RANBP2: variants seen among roughly 807,000 people sequenced by gnomAD.
The protein encoded by RANBP2 is E3 SUMO-protein ligase RanBP2.
In RANBP2, 57 loss-of-function variants were observed where a neutral mutation model predicts 303.6. The ratio of observed to expected loss-of-function variants is 0.19; its 90% CI spans 0.15 to 0.23. The LOEUF (loss-of-function observed/expected upper bound fraction) is 0.23. Among genes scored for constraint, RANBP2 ranks in the 10% least tolerant of loss-of-function variants. The pLI is 1.00. For synonymous variants in RANBP2, 1,167 were observed against 1,301.5 expected (o/e 0.90, Z 2.23); for missense variants, 3,138 against 3,780.8 (o/e 0.83, Z 4.46).
chr2:109,352,640 C>CT, the RANBP2 span, among the ~76,000 whole-genome samples: 1 of 152,356 alleles, frequency 6.6e-6, no homozygotes, highest in East Asian at 1.9e-4. Context: ...GCTTGGGCTA[C>CT]TTTACCCTGA....
chr2:109,313,307 G>C, the RANBP2 span, among the ~76,000 whole-genome samples: 17 of 152,334 alleles, frequency 1.1e-4, no homozygotes, highest in African/African-American at 3.4e-4. Context: ...CATCCCAAGG[G>C]GGGAGGCTGG....
At chr2:108,828,755 G>A in the RANBP2 span, among the ~76,000 whole-genome samples, 1 of 152,128 alleles carries the variant, frequency 6.6e-6, no homozygotes, top group African/African-American at 2.4e-5. Flanking sequence ...GAGGTGGACA[G>A]ATCACCAGGT....
the RANBP2 span, among the ~76,000 whole-genome samples, chr2:108,950,892 C>T: frequency 6.6e-6 from 1 of 152,228 alleles, no homozygotes; most frequent in Non-Finnish European, 1.5e-5. Context: ...TCCACATTAA[C>T]CAGGCCCCCA....
the RANBP2 span, among the ~76,000 whole-genome samples, chr2:109,294,958 C>G: frequency 2.0e-5 from 3 of 152,240 alleles, no homozygotes; most frequent in Non-Finnish European, 4.4e-5. Context: ...GTTGTTCTTT[C>G]AGCCGATGTT....
the RANBP2 span, among the ~76,000 whole-genome samples, chr2:109,750,741 C>T: frequency 5.5e-5 from 5 of 90,492 alleles, no homozygotes; most frequent in Admixed American, 3.7e-4. Flanking sequence ...TTTTTTTTTT[C>T]GAGTCAGAGT....
At chr2:109,629,094 C>T in the RANBP2 span, among the ~76,000 whole-genome samples, 2 of 151,298 alleles carry the variant, frequency 1.3e-5, no homozygotes, top group African/African-American at 2.4e-5. Context: ...CCCAGCTACT[C>T]GGTAAGCTGA....
chr2:108,737,966 G>A (rs1262268495), intron 6 of RANBP2, among the ~76,000 whole-genome samples: 1 of 151,166 alleles, frequency 6.6e-6, no homozygotes, highest in Non-Finnish European at 1.5e-5. Context: ...TGCCCTCCTC[G>A]GCCTCCCAAA....
At chr2:109,617,278 C>T in the RANBP2 span, 3 of 167,024 alleles carry the variant, frequency 1.8e-5, no homozygotes, top group South Asian at 6.2e-4. Context: ...ATTAAAATGG[C>T]ACTTTATAAA....
At chr2:109,693,511 T>C in the RANBP2 span, among the ~76,000 whole-genome samples, 2 of 152,164 alleles carry the variant, frequency 1.3e-5, no homozygotes, top group African/African-American at 4.8e-5. Context: ...CCCCATACTG[T>C]TCTCGTGGTA....
chr2:109,512,630 C>T, the RANBP2 span, among the ~76,000 whole-genome samples: 1 of 152,204 alleles, frequency 6.6e-6, no homozygotes, highest in African/African-American at 2.4e-5. Flanking sequence ...CTAGACCCGG[C>T]TTGCTGGGCC....
the RANBP2 span, among the ~76,000 whole-genome samples, chr2:109,085,439 G>A: frequency 6.6e-6 from 1 of 151,998 alleles, no homozygotes; most frequent in Non-Finnish European, 1.5e-5. Context: ...AAGTAGCTGG[G>A]CCTACACGCG....
At chr2:109,410,815 G>C in the RANBP2 span, among the ~76,000 whole-genome samples, 1 of 151,544 alleles carries the variant, frequency 6.6e-6, no homozygotes, top group African/African-American at 2.4e-5. Context: ...CTTCGTGGGA[G>C]ACAGGGCTGC....
In RANBP2 at chr2:108,740,504, T is replaced by G; in HGVS notation, c.798T>G (p.Leu266=). The change falls in exon 7 of 29, where the codon CTT becomes CTG. Residue 266 remains leucine, a synonymous_variant. Coordinates refer to ENST00000283195, the MANE Select transcript of RANBP2 (RefSeq NM_006267.5). ...RELLQSFDSA[L]QSVKSLGGND... The stretch of plus-strand genomic sequence containing the variant: ...CATATTACAGTTTTGATAGTGCTCT[T>G]CAGTCTGTGAAATCTTTGGGTGGAA... 2 of 1,597,572 alleles carry G rather than the reference T, an allele frequency of 1.3e-6. No individual in the cohort carries two copies. Among genetic ancestry groups the G allele is most frequent in the Non-Finnish European group, 1.7e-6 (2 of 1,179,784 alleles).
At chr2:109,147,377 C>T in the RANBP2 span, among the ~76,000 whole-genome samples, 2 of 152,124 alleles carry the variant, frequency 1.3e-5, no homozygotes, top group Non-Finnish European at 2.9e-5. Flanking sequence ...CTTGTTGTTG[C>T]TGGGGCCAGA....
the RANBP2 span, among the ~76,000 whole-genome samples, chr2:109,074,272 G>A: frequency 2.0e-5 from 3 of 150,514 alleles, no homozygotes; most frequent in Non-Finnish European, 3.0e-5. Flanking sequence ...GGAGGCTGAA[G>A]CACAAGAATT....
At chr2:109,400,690 A>ATACT in the RANBP2 span, among the ~76,000 whole-genome samples, 3 of 151,720 alleles carry the variant, frequency 2.0e-5, no homozygotes, top group Non-Finnish European at 4.4e-5. Flanking sequence ...TGGTGGATAC[A>ATACT]CACCTGCACG....
At chr2:109,563,285 A>C in the RANBP2 span, among the ~76,000 whole-genome samples, 1 of 152,290 alleles carries the variant, frequency 6.6e-6, no homozygotes, top group Non-Finnish European at 1.5e-5. Flanking sequence ...GACTGAAGAA[A>C]TTTAAAAATT....
the RANBP2 span, chr2:109,347,897 A>T: frequency 6.2e-7 from 1 of 1,611,654 alleles, no homozygotes; most frequent in Non-Finnish European, 8.5e-7. Flanking sequence ...GCACTTTATG[A>T]TTTCGAGATG....
the RANBP2 span, among the ~76,000 whole-genome samples, chr2:109,343,152 C>T: frequency 6.6e-6 from 1 of 152,082 alleles, no homozygotes; most frequent in African/African-American, 2.4e-5. Context: ...AGGTTGCTGC[C>T]GTGAAATCAG....
Sources: allele counts gnomAD v4.1 joint callset (sites outside exome capture counted in the v4.1 genomes callset), GRCh38; gene constraint gnomAD v4.1.1; transcripts MANE v1.5; gene names NCBI Gene and HGNC (gene_info 2026-07-23, HGNC 2026-07-21).